The following PDE1A variants were observed in gnomAD, a reference collection of about 807,000 sequenced individuals.
PDE1A encodes the protein dual specificity calcium/calmodulin-dependent 3',5'-cyclic nucleotide phosphodiesterase 1A.
Under a neutral mutation model 61.7 loss-of-function variants are expected in PDE1A, and 35 were observed. That is an observed-to-expected ratio of 0.57 (90% CI 0.43 to 0.75). PDE1A has a LOEUF of 0.75. Among genes scored for constraint, PDE1A ranks in the 30% least tolerant of loss-of-function variants. The pLI is 0.00. For synonymous variants in PDE1A, 232 were observed against 213.2 expected (o/e 1.09, Z -0.77); for missense variants, 597 against 630.6 (o/e 0.95, Z 0.57).
At chr2:182,415,551 G>A (rs1021764234) in intron 1 of PDE1A, among the ~76,000 whole-genome samples, 2 of 152,222 alleles carry the variant, frequency 1.3e-5, no homozygotes, top group Non-Finnish European at 2.9e-5. Context: ...CTAGGAAAAT[G>A]TTATTTATAT....
At chr2:182,333,213 C>T (rs573592091) in intron 1 of PDE1A, among the ~76,000 whole-genome samples, 2 of 152,250 alleles carry the variant, frequency 1.3e-5, no homozygotes, top group African/African-American at 4.8e-5. Context: ...TTGAACTCAG[C>T]TCTGGACCAA....
At chr2:182,429,872 T>A (rs1703842244), upstream of PDE1A, among the ~76,000 whole-genome samples, 3 of 152,156 alleles carry the variant, frequency 2.0e-5, no homozygotes, top group Admixed American at 1.3e-4. Flanking sequence ...TATTATGCCA[T>A]CCCAAGCACT....
At chr2:182,480,002 C>T (rs1409230416) in intron 2 of PDE1A, among the ~76,000 whole-genome samples, 4 of 151,818 alleles carry the variant, frequency 2.6e-5, no homozygotes, top group Non-Finnish European at 5.9e-5. Context: ...CAATTACTTT[C>T]CTCTCTCAAA....
intron 1 of PDE1A, among the ~76,000 whole-genome samples, chr2:182,389,325 A>C (rs1240864564): frequency 1.3e-5 from 2 of 152,202 alleles, no homozygotes; most frequent in African/African-American, 4.8e-5. Context: ...AAATACTTGC[A>C]AACTATATAT....
intron 1 of PDE1A, among the ~76,000 whole-genome samples, chr2:182,272,253 C>CA (rs1693079341): frequency 6.6e-6 from 1 of 152,184 alleles, no homozygotes; most frequent in South Asian, 2.1e-4. Context: ...AGGCCAGCTT[C>CA]ATGGGCATGT....
At chr2:182,554,486 C>A in the PDE1A span, among the ~76,000 whole-genome samples, 4 of 152,164 alleles carry the variant, frequency 2.6e-5, no homozygotes, top group African/African-American at 9.7e-5. Context: ...CAGGCTTGAT[C>A]ATCTCCAGGA....
chr2:182,399,499 T>C (rs964458252), intron 1 of PDE1A, among the ~76,000 whole-genome samples: 14 of 152,086 alleles, frequency 9.2e-5, no homozygotes, highest in African/African-American at 3.4e-4. Context: ...TGGTATACAT[T>C]AGTATGTAAG....
intron 1 of PDE1A, among the ~76,000 whole-genome samples, chr2:182,278,466 A>T (rs1002681819): frequency 1.3e-5 from 2 of 152,040 alleles, no homozygotes; most frequent in African/African-American, 2.4e-5. Flanking sequence ...TTAGCATTAA[A>T]ATAGAGTCTT....
chr2:182,449,074 A>C (rs1470667353), intron 2 of PDE1A, among the ~76,000 whole-genome samples: 3 of 151,340 alleles, frequency 2.0e-5, no homozygotes, highest in Non-Finnish European at 4.4e-5. Context: ...ACACACACAC[A>C]CACACACACA....
the PDE1A span, among the ~76,000 whole-genome samples, chr2:182,714,886 T>A: frequency 6.6e-6 from 1 of 152,104 alleles, no homozygotes; most frequent in Admixed American, 6.5e-5. Flanking sequence ...TTTACCCTAT[T>A]TGTCTAACAT....
At chr2:182,353,894 T>C (rs1302651227) in intron 1 of PDE1A, among the ~76,000 whole-genome samples, 1 of 152,126 alleles carries the variant, frequency 6.6e-6, no homozygotes, top group Non-Finnish European at 1.5e-5. Context: ...CAAGAAGTAG[T>C]ATATAGAAAC....
At chr2:182,675,269 C>G in the PDE1A span, among the ~76,000 whole-genome samples, 2 of 152,118 alleles carry the variant, frequency 1.3e-5, no homozygotes, top group Admixed American at 6.6e-5. Context: ...CATCCATGTT[C>G]CTGCAAAAGA....
the PDE1A span, among the ~76,000 whole-genome samples, chr2:182,568,565 C>T: frequency 2.8e-4 from 42 of 152,042 alleles, no homozygotes; most frequent in Non-Finnish European, 4.7e-4. Context: ...ACTCGGAAGG[C>T]TGAGGCAGGA....
the PDE1A span, among the ~76,000 whole-genome samples, chr2:182,656,861 A>G: frequency 2.6e-5 from 4 of 152,212 alleles, no homozygotes; most frequent in African/African-American, 9.6e-5. Flanking sequence ...TGGTGTGATT[A>G]GTCATTTTCT....
chr2:182,386,264 C>T (rs1701071964), intron 1 of PDE1A, among the ~76,000 whole-genome samples: 2 of 152,106 alleles, frequency 1.3e-5, no homozygotes, highest in South Asian at 4.1e-4. Flanking sequence ...GCCCAGCCGC[C>T]ACCCCGTCTG....
At chr2:182,674,589 TATAC>T in the PDE1A span, among the ~76,000 whole-genome samples, 3 of 130,854 alleles carry the variant, frequency 2.3e-5, no homozygotes, top group South Asian at 7.4e-4. Context: ...TATATATATA[TATAC>T]CCCACCACCC....
chr2:182,467,809 T>C (rs902324076), intron 2 of PDE1A, among the ~76,000 whole-genome samples: 6 of 151,976 alleles, frequency 3.9e-5, no homozygotes, highest in African/African-American at 1.4e-4. Context: ...TAGATAGGCA[T>C]ACCTCAGAAA....
intron 13 of PDE1A, among the ~76,000 whole-genome samples, chr2:182,162,210 A>C (rs893416259): frequency 6.6e-6 from 1 of 152,192 alleles, no homozygotes; most frequent in African/African-American, 2.4e-5. Context: ...ATTAGAAAAC[A>C]AATGCAATGG....
At position 182,153,787 on chromosome 2, in the gene PDE1A, C is replaced by T. The variant is rs1690921559; in HGVS notation, c.1517-6635G>A. Reference sequence around the variant, plus strand: ...AGTTGATGTGAAAGGCAACATGGGGCTGCTCTGATTTCTCAATTAGGATGA... The same window carrying T: ...AGTTGATGTGAAAGGCAACATGGGGTTGCTCTGATTTCTCAATTAGGATGA... On this transcript the variant is annotated intron_variant, in intron 13 of 13. Coordinates refer to the PDE1A transcript ENST00000409365. Among the ~76,000 whole-genome samples, 3 of 152,180 alleles carry T rather than the reference C, an allele frequency of 2.0e-5. No individual in the cohort carries two copies. The South Asian group carries it at 6.2e-4, about 32-fold the overall frequency.
Sources: gnomAD v4.1 joint callset for allele counts (sites outside exome capture counted in the v4.1 genomes callset) on GRCh38, gnomAD v4.1.1 for gene constraint, MANE v1.5 for transcripts, NCBI Gene and HGNC (gene_info 2026-07-23, HGNC 2026-07-21) for gene names.